The following ADGRE3 variants were observed in gnomAD, a reference collection of about 807,000 sequenced individuals.
ADGRE3 encodes adhesion G protein-coupled receptor E3.
Under a neutral mutation model 80.1 loss-of-function variants are expected in ADGRE3, and 88 were observed. The observed-to-expected ratio is 1.10, with a 90% CI of 0.93 to 1.31. ADGRE3 has a LOEUF of 1.31. Among genes scored for constraint, ADGRE3 ranks in the 40% most tolerant of loss-of-function variants. The pLI, the probability that ADGRE3 is intolerant of heterozygous loss-of-function variation, is 0.00. For synonymous variants in ADGRE3, 281 were observed against 294.8 expected (o/e 0.95, Z 0.48); for missense variants, 715 against 776.5 (o/e 0.92, Z 0.94).
intron 2 of ADGRE3, among the ~76,000 whole-genome samples, chr19:14,665,936 G>GTATATATATGCATATA (rs71166783): frequency 4.3e-4 from 18 of 42,102 alleles, no homozygotes; most frequent in African/African-American, 1.8e-3. Flanking sequence ...ACACATATGT[G>GTATATATATGCATATA]TATATATATA....
At chr19:14,654,773 C>A (rs1045079337) in intron 6 of ADGRE3, among the ~76,000 whole-genome samples, 1 of 151,994 alleles carries the variant, frequency 6.6e-6, no homozygotes, top group East Asian at 1.9e-4. Context: ...TAATAGTTTC[C>A]CCAGATTTTC....
chr19:14,653,532 G>T (rs1971663803), intron 6 of ADGRE3, among the ~76,000 whole-genome samples: 1 of 151,904 alleles, frequency 6.6e-6, no homozygotes, highest in African/African-American at 2.4e-5. Context: ...AGCTTCTGAG[G>T]GATCCTAGTC....
At chr19:14,617,253 TTC>T (rs2075080063), downstream of ADGRE3, among the ~76,000 whole-genome samples, 1 of 151,626 alleles carries the variant, frequency 6.6e-6, no homozygotes, top group African/African-American at 2.4e-5. Context: ...TCTTTTTTCT[TTC>T]TTCCTTCCTT....
At chr19:14,661,761 G>T (rs766926047) in intron 4 of ADGRE3, among the ~76,000 whole-genome samples, 1 of 152,142 alleles carries the variant, frequency 6.6e-6, no homozygotes, top group Non-Finnish European at 1.5e-5. Flanking sequence ...TTAGCTGGGC[G>T]TCGTGGTGCA....
the ADGRE3 span, among the ~76,000 whole-genome samples, chr19:14,602,397 A>C: frequency 0.5 from 76,249 of 151,844 alleles, 21,398 homozygotes; most frequent in African/African-American, 0.77. Context: ...TCAAGTGATT[A>C]TCCCACCTCA....
chr19:14,654,346 C>T (rs1971692661), intron 6 of ADGRE3, among the ~76,000 whole-genome samples: 1 of 151,388 alleles, frequency 6.6e-6, no homozygotes, highest in Non-Finnish European at 1.5e-5. Flanking sequence ...TCACTGCACC[C>T]TCAAACTCCT....
rs116852755 is a variant in ADGRE3 at position 14,644,515 on chromosome 19, C to T, written c.883-240G>A. Among the ~76,000 whole-genome samples the T allele has an allele frequency of 4.1e-3, 626 of 151,998 alleles. 10 individuals carry two copies. In the East Asian group the frequency reaches 0.06, roughly 14 times the overall value. ...TTTGTATTTTTTGTAGAGACAGGGTCAACCGTGCTGCCCAGGCTGGTCTCG... is the reference window on the plus strand; with the variant it reads ...TTTGTATTTTTTGTAGAGACAGGGTTAACCGTGCTGCCCAGGCTGGTCTCG... On this transcript the variant is annotated intron_variant, in intron 8 of 15. Transcript: ENST00000253673.
the ADGRE3 span, among the ~76,000 whole-genome samples, chr19:14,605,667 T>C: frequency 6.6e-6 from 1 of 152,010 alleles, no homozygotes; most frequent in East Asian, 1.9e-4. Context: ...TGGAGAGGAG[T>C]TGCTTCTAAC....
chr19:14,661,369 G>T (rs533771363), intron 4 of ADGRE3, among the ~76,000 whole-genome samples: 2 of 152,344 alleles, frequency 1.3e-5, no homozygotes, highest in African/African-American at 2.4e-5. Context: ...GGGGTGTTGA[G>T]TTCCCAGTTT....
chr19:14,631,833 C>T (rs967669732), intron 13 of ADGRE3, among the ~76,000 whole-genome samples: 2 of 152,120 alleles, frequency 1.3e-5, no homozygotes, highest in Non-Finnish European at 2.9e-5. Context: ...TATTTTATCT[C>T]ACACATCATA....
At chr19:14,648,673 T>G (rs1223314819) in intron 7 of ADGRE3, among the ~76,000 whole-genome samples, 1 of 152,294 alleles carries the variant, frequency 6.6e-6, no homozygotes. Context: ...GTAGACTGAG[T>G]AAAACAGATT....
the ADGRE3 span, chr19:14,611,059 A>T: frequency 6.7e-6 from 1 of 149,422 alleles, no homozygotes; most frequent in East Asian, 2.0e-4. Flanking sequence ...TTTCCCTTTG[A>T]GCTAGACCTC....
intron 9 of ADGRE3, among the ~76,000 whole-genome samples, chr19:14,643,144 G>T (rs796140147): frequency 0.018 from 2,216 of 124,098 alleles, 76 homozygotes; most frequent in African/African-American, 0.062. Context: ...AGTAATCATG[G>T]TTTTTTTTTT....
Position 14,647,295 on chromosome 19 carries a change from C to T in ADGRE3, c.768G>A (p.Glu256=). ...GATACACTTGATCTTTCTTATCCATCTCTTCAAAAAAAGTTGCATTTATGA... is the reference window on the plus strand; with the variant it reads ...GATACACTTGATCTTTCTTATCCATTTCTTCAAAAAAAGTTGCATTTATGA... ...GNIINATFFE[E]MDKKDQVYLN... The change falls in exon 8 of 16, where the codon GAG becomes GAA. Residue 256 remains glutamate, a synonymous_variant. Transcript: ENST00000253673. The T allele has an allele frequency of 4.3e-6, 7 of 1,613,136 alleles. No individual in the cohort carries two copies. The highest frequency in any genetic ancestry group is 5.9e-6 in the Non-Finnish European group (7 of 1,179,364).
chr19:14,665,936 G>GTATATATATACATACATATA (rs1972085090), intron 2 of ADGRE3, among the ~76,000 whole-genome samples: 1 of 42,096 alleles, frequency 2.4e-5, no homozygotes, highest in Non-Finnish European at 4.0e-5. Context: ...ACACATATGT[G>GTATATATATACATACATATA]TATATATATA....
chr19:14,628,758 A>C, intron 14 of ADGRE3: 1 of 330,692 alleles, frequency 3.0e-6, no homozygotes, highest in South Asian at 2.7e-5. Flanking sequence ...TGTTACAAGG[A>C]AGGCTGTGTG....
intron 14 of ADGRE3, among the ~76,000 whole-genome samples, chr19:14,625,988 G>T (rs12459246): frequency 0.29 from 44,714 of 151,942 alleles, 7,036 homozygotes; most frequent in South Asian, 0.48. Flanking sequence ...TTGGGAAGAT[G>T]AATAAAGTTC....
At position 14,651,177 on chromosome 19, in the gene ADGRE3, T is replaced by G. The variant is rs1236570310; in HGVS notation, c.605A>C (p.Asn202Thr). Residue 202 changes from asparagine to threonine, a missense_variant, in exon 7 of 16, where the codon AAT becomes ACT. Asn to Thr is a moderately conservative substitution (Grantham distance 65). Transcript: ENST00000253673. ...GAATGTCTTTCTTTCTTCAGAGCAA[T>G]TGTCTGTAATCGCTTGAGTTTCAAT... is the stretch of plus-strand genomic sequence containing the variant. The part of the protein sequence containing the change: ...VAIETQAITD[N>T]CSEERKTFNL... 1 of 1,613,996 alleles carries G rather than the reference T, an allele frequency of 6.2e-7. No homozygotes were observed. Among genetic ancestry groups the G allele is most frequent in the Admixed American group, 1.7e-5 (1 of 59,988 alleles).
chr19:14,669,883 A>C (rs1436024787), intron 1 of ADGRE3, among the ~76,000 whole-genome samples: 2 of 152,074 alleles, frequency 1.3e-5, no homozygotes, highest in Non-Finnish European at 2.9e-5. Context: ...GAGATCTCCA[A>C]ACTCAACAAA....
Sources: gnomAD v4.1 joint callset for allele counts (sites outside exome capture counted in the v4.1 genomes callset) on GRCh38, gnomAD v4.1.1 for gene constraint, MANE v1.5 for transcripts, NCBI Gene and HGNC (gene_info 2026-07-23, HGNC 2026-07-21) for gene names.